Variants in TMEM161B observed in about 807,000 individuals in gnomAD.
TMEM161B encodes transmembrane protein 161B.
A neutral mutation model predicts 61.8 loss-of-function variants in TMEM161B; 34 were observed. The observed-to-expected ratio is 0.55, with a 90% CI of 0.42 to 0.73. The LOEUF (loss-of-function observed/expected upper bound fraction) is 0.73, where lower values mean the gene tolerates loss of function less well. TMEM161B is among the 30% of genes least tolerant of loss of function. The pLI, the probability that TMEM161B is intolerant of heterozygous loss-of-function variation, is 0.00. For synonymous variants in TMEM161B, 167 were observed against 192.8 expected, an observed-to-expected ratio of 0.87 and a Z score of 1.11; for missense variants, 456 against 558.5, an observed-to-expected ratio of 0.82 and a Z score of 1.85.
chr5:88,215,034 T>C (rs1747562614), intron 5 of TMEM161B, among the ~76,000 whole-genome samples: 1 of 152,178 alleles, frequency 6.6e-6, no homozygotes, highest in African/African-American at 2.4e-5. Context: ...GTATGTCACA[T>C]ATCAGTGAGG....
At chr5:88,223,131 AT>A (rs34109832) in intron 4 of TMEM161B, among the ~76,000 whole-genome samples, 23 of 146,184 alleles carry the variant, frequency 1.6e-4, no homozygotes, top group Admixed American at 2.7e-4. Context: ...CCCTAAATTC[AT>A]TTTTTTTTTT....
chr5:88,230,290 T>C (rs1750772557), intron 2 of TMEM161B, among the ~76,000 whole-genome samples: 2 of 152,192 alleles, frequency 1.3e-5, no homozygotes, highest in South Asian at 4.1e-4. Flanking sequence ...TTAGGTATGA[T>C]AATGAGATTG....
At chr5:88,221,988 A>G (rs1339776422) in intron 4 of TMEM161B, among the ~76,000 whole-genome samples, 1 of 152,238 alleles carries the variant, frequency 6.6e-6, no homozygotes, top group Non-Finnish European at 1.5e-5. Flanking sequence ...TACCATTTCT[A>G]TAAGATGATC....
At chr5:88,215,771 T>G (rs1279503938) in intron 5 of TMEM161B, among the ~76,000 whole-genome samples, 1 of 152,196 alleles carries the variant, frequency 6.6e-6, no homozygotes. Context: ...TTATTAGGCA[T>G]TATAGAGTAA....
downstream of TMEM161B, among the ~76,000 whole-genome samples, chr5:88,188,207 C>T (rs546845120): frequency 7.2e-5 from 11 of 151,982 alleles, no homozygotes; most frequent in South Asian, 2.1e-3. Context: ...CAGGTTCAAG[C>T]GATTCTCCTG....
In TMEM161B at chr5:88,196,379, C is replaced by T. The variant is rs777917526; in HGVS notation, c.1296G>A (p.Met432Ile). ...CTGTTATTTGTGTAACAGTTACCTT[C>T]ATTTTCCCTTCAGCTGATGGTAATT... ...YSELPSAEGKMKVTVTQITVA... is the reference protein window; with the variant it reads ...YSELPSAEGKIKVTVTQITVA... The change falls in exon 12 of 12, where the codon ATG becomes ATA. Residue 432 changes from methionine (M) to isoleucine (I), a missense_variant. Around this residue, in one of 3 missense-constraint regions of TMEM161B, gnomAD observed 367 missense variants for 427.3 expected, o/e 0.86. Transcript: ENST00000296595. The T allele has an allele frequency of 1.2e-6, 2 of 1,613,418 alleles. No homozygotes were observed. The highest frequency in any genetic ancestry group is 2.2e-5 in the East Asian group (1 of 44,836).
chr5:88,226,950 T>C (rs895941508), intron 3 of TMEM161B, among the ~76,000 whole-genome samples: 21 of 152,124 alleles, frequency 1.4e-4, no homozygotes, highest in African/African-American at 5.1e-4. Context: ...CGGGAGACCC[T>C]GTCTCTACAA....
intron 1 of TMEM161B, among the ~76,000 whole-genome samples, chr5:88,267,293 T>C (rs901888901): frequency 6.6e-6 from 1 of 151,996 alleles, no homozygotes; most frequent in Non-Finnish European, 1.5e-5. Flanking sequence ...CTAATTTCAC[T>C]GATACAAAAG....
At chr5:88,249,816 C>A (rs1247516314) in intron 1 of TMEM161B, among the ~76,000 whole-genome samples, 5 of 152,112 alleles carry the variant, frequency 3.3e-5, no homozygotes, top group Admixed American at 3.3e-4. Context: ...TTCACATGAA[C>A]CCCAAAACTC....
chr5:88,202,734 TAA>T, intron 9 of TMEM161B: 1 of 500,744 alleles, frequency 2.0e-6, no homozygotes, highest in Admixed American at 3.9e-5. Flanking sequence ...AAATAGTGTG[TAA>T]GGTAATATTA....
intron 2 of TMEM161B, among the ~76,000 whole-genome samples, chr5:88,230,808 A>G (rs955069891): frequency 1.3e-5 from 2 of 152,166 alleles, no homozygotes; most frequent in Non-Finnish European, 2.9e-5. Flanking sequence ...TTATAAAAAC[A>G]AGAGTGTAGA....
intron 2 of TMEM161B, among the ~76,000 whole-genome samples, chr5:88,239,086 T>C (rs1186854257): frequency 6.6e-6 from 1 of 152,000 alleles, no homozygotes; most frequent in Non-Finnish European, 1.5e-5. Context: ...AAATTATCTA[T>C]GTATATTACG....
At chr5:88,202,858 A>C in intron 9 of TMEM161B, 104 bp downstream of exon 9, 1 of 806,808 alleles carries the variant, frequency 1.2e-6, no homozygotes. Context: ...TAATGTCTGA[A>C]AAATACAGTG....
intron 1 of TMEM161B, among the ~76,000 whole-genome samples, chr5:88,253,070 G>C (rs989652905): frequency 3.9e-5 from 6 of 152,234 alleles, no homozygotes; most frequent in African/African-American, 1.4e-4. Flanking sequence ...CTAGAGGGTA[G>C]AATACTCTCA....
intron 1 of TMEM161B, among the ~76,000 whole-genome samples, chr5:88,261,763 C>T (rs1267300166): frequency 7.7e-6 from 1 of 129,628 alleles, no homozygotes; most frequent in Non-Finnish European, 1.6e-5. Context: ...ACTCTAGACA[C>T]ACACCTTACA....
chr5:88,205,979 C>T, intron 7 of TMEM161B, 25 bp from the exon 8 acceptor site: 1 of 1,507,080 alleles, frequency 6.6e-7, no homozygotes, highest in Admixed American at 2.0e-5. Flanking sequence ...TTTTAAAAAG[C>T]TGATAAATTT....
intron 2 of TMEM161B, among the ~76,000 whole-genome samples, chr5:88,240,355 T>C (rs1389944175): frequency 2.0e-5 from 3 of 151,884 alleles, no homozygotes; most frequent in African/African-American, 7.3e-5. Context: ...ACTTAAGCAC[T>C]TGGATTTACA....
intron 5 of TMEM161B, among the ~76,000 whole-genome samples, chr5:88,214,452 G>GA (rs199912065): frequency 1.4e-3 from 201 of 141,404 alleles, no homozygotes; most frequent in East Asian, 9.1e-3. Context: ...AGATTCTTGG[G>GA]AAAAAAAAAA....
downstream of TMEM161B, among the ~76,000 whole-genome samples, chr5:88,186,740 G>A (rs552774639): frequency 6.4e-4 from 97 of 151,990 alleles, no homozygotes; most frequent in African/African-American, 2.3e-3. Flanking sequence ...GACCAGCCTG[G>A]CCAAAATGGT....
Sources: gnomAD v4.1 joint callset for allele counts (sites outside exome capture counted in the v4.1 genomes callset) on GRCh38, gnomAD v4.1.1 for gene constraint, gnomAD v4.1.1 regional missense constraint, MANE v1.5 for transcripts, NCBI Gene and HGNC (gene_info 2026-07-23, HGNC 2026-07-21) for gene names.